Variants in SLC14A2 observed in about 807,000 individuals in gnomAD.
The protein encoded by SLC14A2 is urea transporter 2.
Under a neutral mutation model 104.6 loss-of-function variants are expected in SLC14A2, and 91 were observed. The observed-to-expected ratio is 0.87, with a 90% CI of 0.73 to 1.04. The LOEUF (loss-of-function observed/expected upper bound fraction) is 1.04. SLC14A2 is among the 50% of genes least tolerant of loss of function. The pLI, the probability that SLC14A2 is intolerant of heterozygous loss-of-function variation, is 0.00. For synonymous variants in SLC14A2, 476 were observed against 466.4 expected (o/e 1.02, Z -0.27); for missense variants, 1,189 against 1,156.0 (o/e 1.03, Z -0.41).
At chr18:45,587,586 T>C (rs1474527227) in intron 2 of SLC14A2, among the ~76,000 whole-genome samples, 1 of 152,216 alleles carries the variant, frequency 6.6e-6, no homozygotes, top group South Asian at 2.1e-4. Flanking sequence ...GGTAGCAGGA[T>C]CTGAGATACA....
intron 1 of SLC14A2, among the ~76,000 whole-genome samples, chr18:45,440,068 A>G (rs1425817525): frequency 6.6e-6 from 1 of 152,172 alleles, no homozygotes; most frequent in Non-Finnish European, 1.5e-5. Flanking sequence ...ACCGGAAGCT[A>G]AAAAGAGGCC....
chr18:45,487,503 C>A (rs938883271), intron 2 of SLC14A2, among the ~76,000 whole-genome samples: 2 of 152,116 alleles, frequency 1.3e-5, no homozygotes, highest in East Asian at 1.9e-4. Flanking sequence ...ATTCTGCCTA[C>A]CATGGGGAGG....
intron 6 of SLC14A2, among the ~76,000 whole-genome samples, 181 bp from the exon 7 acceptor site, chr18:45,639,565 G>T (rs931987944): frequency 6.6e-6 from 1 of 152,142 alleles, no homozygotes; most frequent in Non-Finnish European, 1.5e-5. Context: ...CTGCTGGGTG[G>T]TAGAGTGAGG....
the SLC14A2 span, among the ~76,000 whole-genome samples, chr18:45,206,739 G>A: frequency 6.6e-6 from 1 of 152,180 alleles, no homozygotes; most frequent in Non-Finnish European, 1.5e-5. Flanking sequence ...AGTTTGGGGA[G>A]TTCTGCAACT....
chr18:45,576,677 T>C (rs1020362043), intron 2 of SLC14A2, among the ~76,000 whole-genome samples: 14 of 152,228 alleles, frequency 9.2e-5, no homozygotes, highest in African/African-American at 3.4e-4. Flanking sequence ...CTGTGGTCTC[T>C]CCATGTGGTC....
At chr18:45,462,005 A>G (rs908430838) in intron 1 of SLC14A2, among the ~76,000 whole-genome samples, 1 of 152,180 alleles carries the variant, frequency 6.6e-6, no homozygotes, top group African/African-American at 2.4e-5. Context: ...CAAACTGCAC[A>G]GTTTTCCTAG....
At chr18:45,577,754 CA>C (rs1282523209) in intron 2 of SLC14A2, among the ~76,000 whole-genome samples, 2 of 152,052 alleles carry the variant, frequency 1.3e-5, no homozygotes, top group African/African-American at 4.8e-5. Context: ...TATCATTAGT[CA>C]AAGTTCACAG....
rs1555707161 is a variant in SLC14A2 at position 45,567,084 on chromosome 18, G to GTGTGTA, written c.-34-57542_-34-57541insATGTGT. Among the ~76,000 whole-genome samples, 224 of 150,426 alleles carry GTGTGTA rather than the reference G, an allele frequency of 1.5e-3. 1 individual carries two copies. Among genetic ancestry groups the GTGTGTA allele is most frequent in the Non-Finnish European group, 2.8e-3 (189 of 67,882 alleles). ...TGTGTGTGTGTGTGTGTGTGTGTGTGTGTGTGTGTGTGTGTAACTCACAAG... is the reference window on the plus strand; with the variant it reads ...TGTGTGTGTGTGTGTGTGTGTGTGTGTGTGTATGTGTGTGTGTGTGTAACTCACAAG... On this transcript the variant is annotated intron_variant, in intron 2 of 20. Transcript: ENST00000586448.
chr18:45,441,237 G>C (rs2086678000), intron 1 of SLC14A2, among the ~76,000 whole-genome samples: 1 of 152,142 alleles, frequency 6.6e-6, no homozygotes, highest in South Asian at 2.1e-4. Flanking sequence ...TAATTTTTCA[G>C]CTTGGGAAAT....
At chr18:45,386,765 G>C (rs535546956) in intron 1 of SLC14A2, among the ~76,000 whole-genome samples, 1 of 152,180 alleles carries the variant, frequency 6.6e-6, no homozygotes, top group Non-Finnish European at 1.5e-5. Flanking sequence ...ACCTCAAACT[G>C]TTGATTAACC....
intron 1 of SLC14A2, among the ~76,000 whole-genome samples, chr18:45,220,561 TTC>T (rs1466323122): frequency 1.3e-5 from 2 of 151,344 alleles, no homozygotes; most frequent in African/African-American, 4.9e-5. Flanking sequence ...CTGTCTGTCT[TTC>T]TGTTGTCACA....
intron 2 of SLC14A2, among the ~76,000 whole-genome samples, chr18:45,538,636 G>A (rs1406052378): frequency 1.3e-5 from 2 of 152,132 alleles, no homozygotes; most frequent in Non-Finnish European, 2.9e-5. Context: ...GAAGACAGAA[G>A]CCACAGTCTT....
chr18:45,678,121 G>A (rs901817602), intron 18 of SLC14A2, among the ~76,000 whole-genome samples: 5 of 152,128 alleles, frequency 3.3e-5, no homozygotes, highest in Non-Finnish European at 7.3e-5. Flanking sequence ...TCCCAGTCGT[G>A]TAACTCATTC....
chr18:45,454,616 A>C (rs1178457808), intron 1 of SLC14A2, among the ~76,000 whole-genome samples: 2 of 152,056 alleles, frequency 1.3e-5, no homozygotes, highest in Non-Finnish European at 2.9e-5. Context: ...AGGTTTTCTT[A>C]GAGGATTTTT....
intron 1 of SLC14A2, among the ~76,000 whole-genome samples, chr18:45,320,402 G>A (rs762789462): frequency 6.6e-6 from 1 of 152,184 alleles, no homozygotes; most frequent in Non-Finnish European, 1.5e-5. Context: ...ACCCAAACTC[G>A]TCTACATGGA....
intron 8 of SLC14A2, among the ~76,000 whole-genome samples, chr18:45,642,368 G>A (rs146999945): frequency 1.9e-3 from 289 of 152,306 alleles, no homozygotes; most frequent in Non-Finnish European, 3.5e-3. Flanking sequence ...GGTTCAGACC[G>A]TAACTGCTTT....
chr18:45,202,190 G>A, the SLC14A2 span, among the ~76,000 whole-genome samples: 1 of 152,096 alleles, frequency 6.6e-6, no homozygotes, highest in African/African-American at 2.4e-5. Flanking sequence ...CCAAAGTCTG[G>A]TTTTATTTGT....
At chr18:45,389,079 A>C (rs2085932875) in intron 1 of SLC14A2, among the ~76,000 whole-genome samples, 1 of 152,204 alleles carries the variant, frequency 6.6e-6, no homozygotes, top group African/African-American at 2.4e-5. Context: ...TTTTGATGTA[A>C]ATTTTCATAA....
intron 1 of SLC14A2, among the ~76,000 whole-genome samples, chr18:45,372,243 C>T (rs2085730520): frequency 2.6e-5 from 4 of 151,840 alleles, no homozygotes; most frequent in Admixed American, 2.0e-4. Context: ...GCCCAGGAGG[C>T]GGAGGTTGCA....
Sources: gnomAD v4.1 joint callset for allele counts (sites outside exome capture counted in the v4.1 genomes callset) on GRCh38, gnomAD v4.1.1 for gene constraint, MANE v1.5 for transcripts, NCBI Gene and HGNC (gene_info 2026-07-23, HGNC 2026-07-21) for gene names.